The following MPDZ variants were observed in gnomAD, a reference collection of about 807,000 sequenced individuals.
MPDZ encodes multiple PDZ domain protein.
In MPDZ, 234 loss-of-function variants were observed where a neutral mutation model predicts 239.1. That is an observed-to-expected ratio of 0.98 (90% CI 0.88 to 1.09). MPDZ has a LOEUF of 1.09. Among genes scored for constraint, MPDZ ranks in the 50% least tolerant of loss-of-function variants. The probability of loss-of-function intolerance (pLI) is 0.00; values close to 1 mark genes in which losing one functional copy is unlikely to be tolerated. For missense variants in MPDZ, 3,175 were observed against 2,510.0 expected (o/e 1.26, Z -5.66); for synonymous variants, 1,048 against 881.3 (o/e 1.19, Z -3.35).
chr9:13,265,518 G>A (rs1324772650), intron 1 of MPDZ, among the ~76,000 whole-genome samples: 2 of 152,162 alleles, frequency 1.3e-5, no homozygotes, highest in Non-Finnish European at 2.9e-5. Flanking sequence ...GCGGTAAGCC[G>A]AGATTGCACC....
At chr9:13,202,492 C>T (rs374196566) in intron 12 of MPDZ, among the ~76,000 whole-genome samples, 1 of 152,206 alleles carries the variant, frequency 6.6e-6, no homozygotes, top group African/African-American at 2.4e-5. Flanking sequence ...GTATCTTCAA[C>T]ATGGCGTACC....
At chr9:13,196,800 A>C (rs1475530191) in intron 12 of MPDZ, among the ~76,000 whole-genome samples, 1 of 152,036 alleles carries the variant, frequency 6.6e-6, no homozygotes, top group Non-Finnish European at 1.5e-5. Context: ...GGACAGAAAA[A>C]CACTAAACAA....
chr9:13,261,207 A>T (rs977486985), intron 1 of MPDZ, among the ~76,000 whole-genome samples: 13 of 152,242 alleles, frequency 8.5e-5, no homozygotes, highest in African/African-American at 3.1e-4. Flanking sequence ...CAGCAAAAAC[A>T]AGTCAGTTGA....
At chr9:13,263,787 G>A in intron 1 of MPDZ, among the ~76,000 whole-genome samples, 1 of 151,830 alleles carries the variant, frequency 6.6e-6, no homozygotes, top group East Asian at 2.0e-4. Context: ...CCCCACCTTT[G>A]TGAATTATGG....
chr9:13,245,521 A>C (rs1966403356), intron 3 of MPDZ, among the ~76,000 whole-genome samples: 1 of 152,006 alleles, frequency 6.6e-6, no homozygotes, highest in South Asian at 2.1e-4. Context: ...AAGCCACTGT[A>C]ATCTACAGGG....
chr9:13,268,578 T>A (rs1972301160), intron 1 of MPDZ, among the ~76,000 whole-genome samples: 1 of 151,712 alleles, frequency 6.6e-6, no homozygotes, highest in South Asian at 2.1e-4. Context: ...AAGTTCCGAG[T>A]ACAGAGGAAT....
intron 20 of MPDZ, 33 bp from the exon 21 acceptor site, chr9:13,175,908 T>G: frequency 6.4e-7 from 1 of 1,567,144 alleles, no homozygotes; most frequent in Non-Finnish European, 8.6e-7. Flanking sequence ...ACAAGTCACA[T>G]GGAAAGGGAA....
At chr9:13,110,525 A>G in intron 44 of MPDZ, 111 bp downstream of exon 44, 1 of 760,838 alleles carries the variant, frequency 1.3e-6, no homozygotes, top group Non-Finnish European at 2.2e-6. Flanking sequence ...CAAGAGAAAT[A>G]TTAAATAAAA....
chr9:13,250,249 T>C (rs553502054), intron 2 of MPDZ, 51 bp downstream of exon 2: 5 of 1,542,204 alleles, frequency 3.2e-6, no homozygotes, highest in South Asian at 1.2e-5. Flanking sequence ...AAAATCCCAA[T>C]GGGAGGAGTT....
At position 13,136,331 on chromosome 9, in the gene MPDZ, T is replaced by TC. The variant is rs1364581783; in HGVS notation, c.4293-150_4293-149insG. On this transcript the variant is annotated intron_variant, in intron 30 of 46. Transcript: ENST00000319217. ...ACAAATTTACAAACGTTTTCTTTTT[T>TC]TTTTTTTTTTTTTTTTTTGAGACAG... The TC allele has an allele frequency of 1.1e-5, 5 of 465,778 alleles. No individual in the cohort carries two copies. The South Asian group carries it at 1.6e-4, about 15-fold the overall frequency. The allele number at this position is 465,778 out of a possible 1,614,324, so 28.9% of individuals were successfully genotyped here. A position where few individuals can be genotyped will look rare whatever the true frequency, so the allele number is the denominator to read the frequency against.
intron 3 of MPDZ, among the ~76,000 whole-genome samples, chr9:13,236,723 A>C (rs1337753840): frequency 1.3e-5 from 2 of 152,084 alleles, no homozygotes; most frequent in Non-Finnish European, 2.9e-5. Context: ...CACTCGAATA[A>C]AGATTGGAAA....
intron 3 of MPDZ, among the ~76,000 whole-genome samples, chr9:13,243,978 A>ATCTACATTATTTC (rs1379171586): frequency 3.9e-5 from 6 of 152,198 alleles, no homozygotes; most frequent in African/African-American, 1.4e-4. Flanking sequence ...AGCCTGAGTC[A>ATCTACATTATTTC]TCTACATTAT....
Position 13,189,602 on chromosome 9 carries a change from C to T in MPDZ, c.2154+512G>A, listed in dbSNP as rs575031161. On this transcript the variant is annotated intron_variant, in intron 16 of 46. Coordinates refer to ENST00000319217, the MANE Select transcript of MPDZ (RefSeq NM_001378778.1). ...GTAAGTAAGGAACAACAGCTGCACT[C>T]TATCAGACAGGCTTTACCATCTCCT... 2.0e-5 allele frequency among the ~76,000 whole-genome samples: 3 copies of T among 152,234 alleles called. No homozygotes were observed. In the East Asian group the frequency reaches 5.8e-4, roughly 29 times the overall value.
At position 13,139,971 on chromosome 9, in the gene MPDZ, C is replaced by G. The variant is rs1563886015; in HGVS notation, c.4003+16G>C. The stretch of plus-strand genomic sequence containing the variant: ...ATACCTCTTACAATTAAATGCATCA[C>G]AAAAACACAACTTACTCCAGCTGTA... On this transcript the variant is annotated intron_variant, in intron 28 of 46. Coordinates refer to ENST00000319217, the MANE Select transcript of MPDZ (RefSeq NM_001378778.1). The G allele has an allele frequency of 4.3e-6, 7 of 1,613,040 alleles. No individual in the cohort carries two copies. The Admixed American group carries it at 6.7e-5, about 15-fold the overall frequency.
At chr9:13,272,568 GA>G (rs1401846125) in intron 1 of MPDZ, among the ~76,000 whole-genome samples, 1 of 151,684 alleles carries the variant, frequency 6.6e-6, no homozygotes. Context: ...TCCCAAATTA[GA>G]AAATGAGGCC....
intron 26 of MPDZ, among the ~76,000 whole-genome samples, chr9:13,146,599 G>A (rs1948466422): frequency 6.6e-6 from 1 of 151,938 alleles, no homozygotes. Context: ...CACTATGATG[G>A]GGGTTGTTAA....
Position 13,250,353 on chromosome 9 carries a change from A to G in MPDZ, c.-38T>C. 6.4e-7 allele frequency: 1 copy of G among 1,561,542 alleles called. No homozygotes were observed. Among genetic ancestry groups the G allele is most frequent in the Non-Finnish European group, 8.7e-7 (1 of 1,148,712 alleles). The stretch of plus-strand genomic sequence containing the variant: ...TCAGTGTTCTTCTCTGAAATGATTA[A>G]CAGCAATTAAAATGGAACTCTGTGC... On this transcript the variant is annotated 5_prime_UTR_variant, in exon 2 of 47. Transcript: ENST00000319217.
intron 3 of MPDZ, among the ~76,000 whole-genome samples, chr9:13,229,920 CAAA>C (rs1961877802): frequency 6.6e-6 from 1 of 151,764 alleles, no homozygotes; most frequent in African/African-American, 2.4e-5. Flanking sequence ...AAAGTAGAAT[CAAA>C]TAAGTCAAGG....
chr9:13,133,981 T>A, intron 31 of MPDZ, 77 bp from the exon 32 acceptor site: 1 of 566,324 alleles, frequency 1.8e-6, no homozygotes, highest in Non-Finnish European at 2.8e-6. Context: ...AAAGGCCACT[T>A]ATTCAAAATT....
Sources: allele counts gnomAD v4.1 joint callset (sites outside exome capture counted in the v4.1 genomes callset), GRCh38; gene constraint gnomAD v4.1.1; transcripts MANE v1.5; gene names NCBI Gene and HGNC (gene_info 2026-07-23, HGNC 2026-07-21).